TAF4B: variants seen among roughly 807,000 people sequenced by gnomAD.
TAF4B encodes TATA-box binding protein associated factor 4b.
TAF4B carries 38 observed loss-of-function variants against 86.4 expected under a neutral mutation model. The ratio of observed to expected loss-of-function variants is 0.44; its 90% CI spans 0.34 to 0.58. TAF4B has a LOEUF of 0.58. Among genes scored for constraint, TAF4B ranks in the 20% least tolerant of loss-of-function variants. TAF4B has a pLI of 0.02. For synonymous variants in TAF4B, 388 were observed against 391.2 expected (o/e 0.99, Z 0.10); for missense variants, 988 against 1,027.6 (o/e 0.96, Z 0.53).
intron 13 of TAF4B, among the ~76,000 whole-genome samples, chr18:26,337,297 C>T (rs922908705): frequency 3.3e-5 from 5 of 152,070 alleles, no homozygotes; most frequent in Non-Finnish European, 5.9e-5. Flanking sequence ...ATTCTCCTGC[C>T]CCCTAGAGTT....
Position 26,321,100 on chromosome 18 carries a change from C to G in TAF4B, c.2033C>G (p.Ser678Cys). 1.2e-6 allele frequency: 2 copies of G among 1,613,920 alleles called. No homozygotes were observed. The highest frequency in any genetic ancestry group is 1.7e-6 in the Non-Finnish European group (2 of 1,179,840). ...GKKHDITELN[S>C]DAVNLISQAT... is the part of the protein sequence containing the mutation. The stretch of plus-strand genomic sequence containing the variant: ...AAGCATGACATTACAGAACTTAACT[C>G]TGATGCTGTGAACTTGATCTCCCAA... Residue 678 changes from serine to cysteine, a missense_variant, in exon 11 of 15, where the codon TCT becomes TGT. Physicochemically the swap from Ser to Cys is moderately radical, Grantham distance 112. Around this residue, in one of 3 missense-constraint regions of TAF4B, gnomAD observed 216 missense variants for 238.4 expected, o/e 0.91. Coordinates refer to ENST00000269142, the MANE Select transcript of TAF4B (RefSeq NM_005640.3).
intron 3 of TAF4B, among the ~76,000 whole-genome samples, chr18:26,269,972 CAT>C (rs1283093477): frequency 1.3e-5 from 2 of 152,112 alleles, no homozygotes. Flanking sequence ...TAGCTACTAT[CAT>C]ATTGTTTTAT....
intron 13 of TAF4B, among the ~76,000 whole-genome samples, chr18:26,350,504 T>A (rs79791622): frequency 6.6e-6 from 1 of 152,134 alleles, no homozygotes; most frequent in African/African-American, 2.4e-5. Flanking sequence ...ACCCCGTCTC[T>A]ACAAAAAATT....
Position 26,286,298 on chromosome 18 carries a change from A to G in TAF4B, c.1389A>G (p.Thr463=), listed in dbSNP as rs756683484. The G allele has an allele frequency of 5.3e-5, 86 of 1,614,114 alleles. No individual in the cohort carries two copies. Among genetic ancestry groups the G allele is most frequent in the Non-Finnish European group, 7.1e-5 (84 of 1,180,040 alleles). ...CAGTTGTCTCTGGAACAGCAGTAAC[A>G]CTGTCCCTTCCAGCAGTAACTTTTG... The part of the protein sequence containing the change: ...EKPVVSGTAV[T]LSLPAVTFGE... Residue 463 remains threonine (T), a synonymous_variant, in exon 7 of 15, where the codon ACA becomes ACG. Coordinates refer to ENST00000269142, the MANE Select transcript of TAF4B (RefSeq NM_005640.3).
chr18:26,318,075 C>A (rs1331556966), intron 10 of TAF4B, among the ~76,000 whole-genome samples: 1 of 152,136 alleles, frequency 6.6e-6, no homozygotes, highest in Admixed American at 6.6e-5. Flanking sequence ...CTCTGTTGCC[C>A]AGGCTGGAGT....
chr18:26,283,520 T>C (rs1182893114), intron 6 of TAF4B, among the ~76,000 whole-genome samples: 1 of 152,178 alleles, frequency 6.6e-6, no homozygotes, highest in African/African-American at 2.4e-5. Context: ...TCATCCATGC[T>C]TTGTTCATTG....
chr18:26,263,022 C>G (rs1294533160), intron 1 of TAF4B, among the ~76,000 whole-genome samples: 1 of 152,176 alleles, frequency 6.6e-6, no homozygotes, highest in Non-Finnish European at 1.5e-5. Flanking sequence ...ACCATCATAG[C>G]TCACTACAGC....
intron 3 of TAF4B, among the ~76,000 whole-genome samples, chr18:26,272,959 ATTG>A (rs2056339749): frequency 6.6e-6 from 1 of 152,116 alleles, no homozygotes; most frequent in South Asian, 2.1e-4. Flanking sequence ...TAAAAACTTT[ATTG>A]TTCTAGTCCT....
chr18:26,330,067 A>G (rs76768335), intron 12 of TAF4B, among the ~76,000 whole-genome samples: 11,523 of 152,200 alleles, frequency 0.076, 539 homozygotes, highest in Non-Finnish European at 0.1. Flanking sequence ...GCATTCTAAG[A>G]TGATACCAAT....
At chr18:26,380,736 C>T (rs1055815195) in intron 14 of TAF4B, among the ~76,000 whole-genome samples, 1 of 151,988 alleles carries the variant, frequency 6.6e-6, no homozygotes. Context: ...GGTTTACTTC[C>T]ACCTTATCTG....
chr18:26,265,079 A>C (rs1034649501), intron 1 of TAF4B, 91 bp from the exon 2 acceptor site: 18 of 1,322,890 alleles, frequency 1.4e-5, no homozygotes, highest in Non-Finnish European at 1.9e-5. Context: ...CATCTTTTTA[A>C]AGTGTTGAAA....
At chr18:26,374,265 T>G (rs2057427495) in intron 14 of TAF4B, among the ~76,000 whole-genome samples, 1 of 152,184 alleles carries the variant, frequency 6.6e-6, no homozygotes, top group African/African-American at 2.4e-5. Context: ...GCTAAGAAAT[T>G]TTTTTTAAAA....
chr18:26,333,529 A>G (rs910887326), intron 12 of TAF4B, among the ~76,000 whole-genome samples: 1 of 152,150 alleles, frequency 6.6e-6, no homozygotes, highest in African/African-American at 2.4e-5. Flanking sequence ...AGCTGGGACT[A>G]TAGGCACGTG....
chr18:26,323,501 A>C (rs775845325), intron 11 of TAF4B, among the ~76,000 whole-genome samples: 1 of 147,388 alleles, frequency 6.8e-6, no homozygotes, highest in Admixed American at 6.9e-5. Context: ...TAAGACTAAC[A>C]GGCGTGTGCC....
chr18:26,347,828 A>G (rs1272371721), intron 13 of TAF4B, among the ~76,000 whole-genome samples: 1 of 152,248 alleles, frequency 6.6e-6, no homozygotes, highest in Non-Finnish European at 1.5e-5. Flanking sequence ...AGAAACAAAG[A>G]CATTATACAA....
At chr18:26,230,633 G>C (rs1356190209) in intron 1 of TAF4B, among the ~76,000 whole-genome samples, 2 of 152,168 alleles carry the variant, frequency 1.3e-5, no homozygotes, top group African/African-American at 4.8e-5. Flanking sequence ...TCTTCCTCAA[G>C]GTGAGGTTAG....
chr18:26,318,670 G>A (rs1341850722), intron 10 of TAF4B, among the ~76,000 whole-genome samples: 2 of 151,982 alleles, frequency 1.3e-5, no homozygotes, highest in African/African-American at 4.8e-5. Context: ...TGTTGATTTT[G>A]TTAAAAAGGG....
chr18:26,304,415 T>A (rs1005187583), intron 9 of TAF4B, among the ~76,000 whole-genome samples: 1 of 152,202 alleles, frequency 6.6e-6, no homozygotes. Context: ...AAACTATTTT[T>A]AAAAATGACT....
chr18:26,341,341 C>T (rs1041182441), intron 13 of TAF4B, among the ~76,000 whole-genome samples: 27 of 151,876 alleles, frequency 1.8e-4, no homozygotes, highest in African/African-American at 6.5e-4. Flanking sequence ...TCATTGAGCT[C>T]TTAGATTTAG....
Sources: gnomAD v4.1 joint callset for allele counts (sites outside exome capture counted in the v4.1 genomes callset) on GRCh38, gnomAD v4.1.1 for gene constraint, gnomAD v4.1.1 regional missense constraint, MANE v1.5 for transcripts, NCBI Gene and HGNC (gene_info 2026-07-23, HGNC 2026-07-21) for gene names.